SH3RF1: variants seen among roughly 807,000 people sequenced by gnomAD.
SH3RF1 encodes the protein E3 ubiquitin-protein ligase SH3RF1.
Under a neutral mutation model 74.0 loss-of-function variants are expected in SH3RF1, and 32 were observed. The observed-to-expected ratio is 0.43, with a 90% confidence interval of 0.33 to 0.58. SH3RF1 has a LOEUF of 0.58. SH3RF1 is among the 20% of genes least tolerant of loss of function. The probability of loss-of-function intolerance (pLI) is 0.05; values close to 1 mark genes in which losing one functional copy is unlikely to be tolerated. For missense variants in SH3RF1, 954 were observed against 1,130.9 expected (o/e 0.84, Z 2.24); for synonymous variants, 396 against 439.6 (o/e 0.90, Z 1.24).
At chr4:169,224,119 A>G (rs1420554222) in intron 2 of SH3RF1, among the ~76,000 whole-genome samples, 1 of 152,146 alleles carries the variant, frequency 6.6e-6, no homozygotes, top group East Asian at 1.9e-4. Context: ...AACAATTTAG[A>G]AGCTCCACTA....
At chr4:169,105,138 C>T (rs956374882) in intron 11 of SH3RF1, among the ~76,000 whole-genome samples, 2 of 151,842 alleles carry the variant, frequency 1.3e-5, no homozygotes, top group African/African-American at 4.8e-5. Flanking sequence ...GATTTCAAGT[C>T]GGCAACATAG....
intron 2 of SH3RF1, among the ~76,000 whole-genome samples, chr4:169,247,104 G>A (rs1025256035): frequency 2.6e-5 from 4 of 152,332 alleles, no homozygotes; most frequent in East Asian, 3.9e-4. Flanking sequence ...AGTAAGACAT[G>A]ATGTGCTCAC....
intron 4 of SH3RF1, among the ~76,000 whole-genome samples, chr4:169,141,024 G>A (rs967206210): frequency 5.6e-5 from 8 of 142,582 alleles, no homozygotes; most frequent in African/African-American, 1.8e-4. Flanking sequence ...TATTGATAGT[G>A]TTAGTGTATT....
rs185573914 is a variant in SH3RF1 at position 169,139,048 on chromosome 4, C to T, written c.766-2428G>A. 1.1e-4 allele frequency among the ~76,000 whole-genome samples: 16 copies of T among 152,322 alleles called. No homozygotes were observed. In the East Asian group the frequency reaches 3.1e-3, roughly 29 times the overall value. ...CTCAGTGCAGCCTCGAACTCCTGGG[C>T]TCAAGCAATCCTCTTGCCTCAACCT... On this transcript the variant is annotated intron_variant, in intron 4 of 11. Coordinates refer to ENST00000284637, the MANE Select transcript of SH3RF1 (RefSeq NM_020870.4).
chr4:169,254,396 A>G (rs1156345422), intron 2 of SH3RF1, among the ~76,000 whole-genome samples: 2 of 152,224 alleles, frequency 1.3e-5, no homozygotes, highest in Non-Finnish European at 2.9e-5. Context: ...GAATATTCAA[A>G]ATAAATGTAA....
chr4:169,261,165 GC>G (rs150843446), intron 2 of SH3RF1, among the ~76,000 whole-genome samples: 3,243 of 152,192 alleles, frequency 0.021, 47 homozygotes, highest in Non-Finnish European at 0.03. Context: ...AAGAAATGAA[GC>G]CCAGAGAAAC....
chr4:169,141,805 ATTTTTGCT>A (rs1733791729), intron 4 of SH3RF1, among the ~76,000 whole-genome samples: 1 of 134,512 alleles, frequency 7.4e-6, no homozygotes, highest in Non-Finnish European at 1.6e-5. Flanking sequence ...GGCCCGCCTA[ATTTTTGCT>A]TTTTTTTTTT....
chr4:169,138,564 G>A (rs1247239658), intron 4 of SH3RF1, among the ~76,000 whole-genome samples: 1 of 152,208 alleles, frequency 6.6e-6, no homozygotes, highest in Admixed American at 6.5e-5. Context: ...CAGTGAGTAA[G>A]AAGTAGAGGA....
At chr4:169,168,233 C>T (rs1734277565) in intron 2 of SH3RF1, among the ~76,000 whole-genome samples, 1 of 152,058 alleles carries the variant, frequency 6.6e-6, no homozygotes, top group Admixed American at 6.6e-5. Context: ...ATCTGAAATT[C>T]AGAGGTATGG....
At chr4:169,126,503 C>T (rs1733527814) in intron 6 of SH3RF1, among the ~76,000 whole-genome samples, 1 of 152,210 alleles carries the variant, frequency 6.6e-6, no homozygotes, top group Non-Finnish European at 1.5e-5. Flanking sequence ...TCCACCATGG[C>T]TACATATTGG....
chr4:169,218,146 ATT>A (rs1234866949), intron 2 of SH3RF1, among the ~76,000 whole-genome samples: 2 of 147,428 alleles, frequency 1.4e-5, no homozygotes, highest in Non-Finnish European at 3.0e-5. Context: ...ATTATTATAT[ATT>A]GATTATACAT....
chr4:169,182,624 A>C (rs984040537), intron 2 of SH3RF1, among the ~76,000 whole-genome samples: 14 of 152,228 alleles, frequency 9.2e-5, no homozygotes, highest in African/African-American at 3.4e-4. Flanking sequence ...AATATGACTT[A>C]TAAAAGGCTT....
At chr4:169,164,383 A>G (rs1033554871) in intron 2 of SH3RF1, among the ~76,000 whole-genome samples, 1 of 152,242 alleles carries the variant, frequency 6.6e-6, no homozygotes, top group Non-Finnish European at 1.5e-5. Context: ...TTCTACTGAC[A>G]GGCTCAACAG....
At chr4:169,167,421 T>G (rs1472024685) in intron 2 of SH3RF1, among the ~76,000 whole-genome samples, 1 of 152,188 alleles carries the variant, frequency 6.6e-6, no homozygotes, top group African/African-American at 2.4e-5. Context: ...ACATTTACTC[T>G]TCAATCTACC....
intron 10 of SH3RF1, among the ~76,000 whole-genome samples, chr4:169,109,384 A>G (rs776358902): frequency 9.9e-5 from 15 of 152,228 alleles, no homozygotes; most frequent in Non-Finnish European, 1.9e-4. Context: ...ATCTAAAATG[A>G]TTAAACACAT....
intron 2 of SH3RF1, among the ~76,000 whole-genome samples, chr4:169,207,769 T>A (rs534637238): frequency 7.0e-4 from 106 of 152,350 alleles, no homozygotes; most frequent in Admixed American, 2.9e-3. Context: ...AAGCTCCCTT[T>A]TTCTTAACTC....
intron 4 of SH3RF1, among the ~76,000 whole-genome samples, chr4:169,139,881 A>G (rs1009868830): frequency 5.3e-5 from 8 of 152,232 alleles, no homozygotes; most frequent in Non-Finnish European, 1.0e-4. Context: ...GTTGGAGCCA[A>G]TGATTTTTAG....
At chr4:169,241,389 C>T (rs971238804) in intron 2 of SH3RF1, among the ~76,000 whole-genome samples, 9 of 152,198 alleles carry the variant, frequency 5.9e-5, no homozygotes, top group African/African-American at 2.2e-4. Flanking sequence ...ACCCTTCAGC[C>T]GAAAGGCAGT....
chr4:169,261,011 T>G (rs1731269457), intron 2 of SH3RF1, among the ~76,000 whole-genome samples: 1 of 152,188 alleles, frequency 6.6e-6, no homozygotes, highest in East Asian at 1.9e-4. Flanking sequence ...TCAACAAACC[T>G]CTTGTGAGTG....
Sources: allele counts gnomAD v4.1 joint callset (sites outside exome capture counted in the v4.1 genomes callset), GRCh38; gene constraint gnomAD v4.1.1; transcripts MANE v1.5; gene names NCBI Gene and HGNC (gene_info 2026-07-23, HGNC 2026-07-21).